MCC: variants seen among roughly 807,000 people sequenced by gnomAD.
MCC encodes the protein colorectal mutant cancer protein.
Under a neutral mutation model 116.2 loss-of-function variants are expected in MCC, and 90 were observed. The ratio of observed to expected loss-of-function variants is 0.77; its 90% CI spans 0.65 to 0.92. The LOEUF is 0.92. MCC is among the 40% of genes least tolerant of loss of function. The probability of loss-of-function intolerance (pLI) is 0.00; values close to 1 mark genes in which losing one functional copy is unlikely to be tolerated. For synonymous variants in MCC, 578 were observed against 510.5 expected (o/e 1.13, Z -1.78); for missense variants, 1,516 against 1,312.2 (o/e 1.16, Z -2.40).
At position 113,024,403 on chromosome 5, in the gene MCC, C is replaced by CTT. The variant is rs1168979350; in HGVS notation, c.*2897_*2898dup. Reference sequence around the variant, plus strand: ...CACTCGCAACTACGGACAGAAGTCTCTTTTGCTTGTGATTTGCACAGTTGG... The same window carrying CTT: ...CACTCGCAACTACGGACAGAAGTCTCTTTTTTGCTTGTGATTTGCACAGTTGG... On this transcript the variant is annotated 3_prime_UTR_variant, in exon 19 of 19. Transcript: ENST00000408903. The CTT allele has an allele frequency of 6.6e-6, 1 of 152,176 alleles. No homozygotes were observed. Among genetic ancestry groups the CTT allele is most frequent in the Non-Finnish European group, 1.5e-5 (1 of 68,050 alleles). 9.4% of individuals were successfully genotyped at this position (152,176 alleles called of 1,614,324 possible). A position where few individuals can be genotyped will look rare whatever the true frequency, so the allele number is the denominator to read the frequency against.
At position 113,022,770 on chromosome 5, in the gene MCC, CTGA is replaced by C. The variant is rs1750236261; in HGVS notation, c.*4529_*4531del. On this transcript the variant is annotated 3_prime_UTR_variant, in exon 19 of 19. Coordinates refer to ENST00000408903, the MANE Select transcript of MCC (RefSeq NM_001085377.2). ...GTATAACTTGCTTTGTTCTGCTGAG[CTGA>C]TATTTCACCTGATTAGCAGATGGAT... 1.3e-5 allele frequency: 2 copies of C among 152,326 alleles called. No individual in the cohort carries two copies. Among genetic ancestry groups the C allele is most frequent in the East Asian group, 3.9e-4 (2 of 5,192 alleles). 9.4% of individuals were successfully genotyped at this position (152,326 alleles called of 1,614,324 possible).
intron 6 of MCC, among the ~76,000 whole-genome samples, chr5:113,107,429 G>A (rs1581075129): frequency 6.6e-6 from 1 of 152,032 alleles, no homozygotes; most frequent in Non-Finnish European, 1.5e-5. Context: ...TGTTGGCCAG[G>A]CTAGTCTCGA....
chr5:113,317,907 G>A (rs572762781), intron 3 of MCC, among the ~76,000 whole-genome samples: 61 of 152,288 alleles, frequency 4.0e-4, no homozygotes, highest in Admixed American at 2.6e-3. Context: ...AATTACAGCC[G>A]TCATAATTAC....
intron 2 of MCC, 64 bp downstream of exon 2, chr5:113,384,903 AT>A: frequency 6.3e-7 from 1 of 1,586,362 alleles, no homozygotes; most frequent in East Asian, 2.2e-5. Context: ...GGCTACTCTC[AT>A]TTAATGAGAG....
chr5:113,463,806 G>C (rs1204918470), intron 1 of MCC, among the ~76,000 whole-genome samples: 1 of 152,162 alleles, frequency 6.6e-6, no homozygotes, highest in Non-Finnish European at 1.5e-5. Context: ...GTAAATAAGA[G>C]ACGAAACGTA....
intron 13 of MCC, among the ~76,000 whole-genome samples, chr5:113,067,466 T>C (rs572555536): frequency 1.3e-5 from 2 of 152,240 alleles, no homozygotes; most frequent in Non-Finnish European, 2.9e-5. Flanking sequence ...ATGGTGAAAC[T>C]GTCTCCACTA....
chr5:113,129,047 G>T (rs913409566), intron 5 of MCC, among the ~76,000 whole-genome samples: 1 of 152,124 alleles, frequency 6.6e-6, no homozygotes, highest in Non-Finnish European at 1.5e-5. Context: ...AGAGACTCTG[G>T]GATGTTTTCT....
chr5:113,196,563 A>G lies in MCC; in HGVS notation c.628-45141T>C, dbSNP rs573102399. Among the ~76,000 whole-genome samples the G allele has an allele frequency of 2.4e-4, 37 of 152,356 alleles. 1 individual carries two copies. Among genetic ancestry groups the G allele is most frequent in the Admixed American group, 1.5e-3 (23 of 15,304 alleles). On this transcript the variant is annotated intron_variant, in intron 3 of 18. Transcript: ENST00000408903. ...CTACTTACCAATGTTAATTTAAAAA[A>G]TACTCGGTCGGGCGCAGTGGCTCAC...
intron 1 of MCC, among the ~76,000 whole-genome samples, chr5:113,455,868 G>A (rs1041148548): frequency 4.6e-5 from 7 of 152,136 alleles, no homozygotes; most frequent in African/African-American, 1.7e-4. Flanking sequence ...CAGAATTGCA[G>A]ATAAAGAAGA....
chr5:113,333,846 T>TATATAC lies in MCC; in HGVS notation c.627+6672_627+6673insGTATAT, dbSNP rs1469058009. Reference sequence around the variant, plus strand: ...ATATATGTATATATGTATATATGTATATATGTACATATATGTATATATGTA... The same window carrying TATATAC: ...ATATATGTATATATGTATATATGTATATATACATATGTACATATATGTATATATGTA... On this transcript the variant is annotated intron_variant, in intron 3 of 18. Transcript: ENST00000408903. Among the ~76,000 whole-genome samples the TATATAC allele has an allele frequency of 9.6e-5, 6 of 62,640 alleles. 1 individual carries two copies. Among genetic ancestry groups the TATATAC allele is most frequent in the South Asian group, 8.9e-4 (2 of 2,250 alleles). 41.1% of individuals were successfully genotyped at this position (62,640 alleles called of 152,430 possible).
rs147869500 is a variant in MCC, at chr5:113,064,047, G to A, written c.2150C>T (p.Ala717Val). 6.2e-7 allele frequency: 1 copy of A among 1,614,080 alleles called. No homozygotes were observed. The highest frequency in any genetic ancestry group is 8.5e-7 in the Non-Finnish European group (1 of 1,180,048). The change falls in exon 14 of 19, where the codon GCC (alanine) becomes GTC (valine). Residue 717 changes from alanine to valine, a missense_variant. Transcript: ENST00000408903. ...CACGCTGCAGCCGGCCACGGCAAAG[G>A]CTCCCCCACAGCTGCCGTCCAGCTT... ...LMKLDGSCGG[A>V]FAVAGCSVQP...
chr5:113,050,723 G>A (rs1012601035), intron 15 of MCC, among the ~76,000 whole-genome samples: 3 of 152,242 alleles, frequency 2.0e-5, no homozygotes, highest in African/African-American at 7.2e-5. Context: ...ATAAGTGCAG[G>A]CTTGAAAGAG....
In MCC at chr5:113,434,835, T is replaced by A; in HGVS notation, c.171-49623A>T. 1 of 1,605,636 alleles carries A rather than the reference T, an allele frequency of 6.2e-7. No homozygotes were observed. Among genetic ancestry groups the A allele is most frequent in the Non-Finnish European group, 8.5e-7 (1 of 1,174,154 alleles). ...TCGTCGCTTGAGGACAGCAGCGTCA[T>A]CCATGGTGCCAGGAATGCCCAGTGC... On this transcript the variant is annotated intron_variant, in intron 1 of 18. Transcript: ENST00000408903. The surrounding 1 kb of genome is among the most constrained non-coding windows in gnomAD (Gnocchi z 4.2).
At position 113,435,667 on chromosome 5, in the gene MCC, T is replaced by TGCC. The variant is rs1428169427; in HGVS notation, c.171-50458_171-50456dup. The TGCC allele has an allele frequency of 2.0e-5, 3 of 152,546 alleles. No individual in the cohort carries two copies. In the East Asian group the frequency reaches 5.8e-4, roughly 29 times the overall value. 9.4% of individuals were successfully genotyped at this position (152,546 alleles called of 1,614,324 possible). On this transcript the variant is annotated intron_variant, in intron 1 of 18. Coordinates refer to ENST00000408903, the MANE Select transcript of MCC (RefSeq NM_001085377.2). ...CACGCAGTTTGAGATGCCTGGATTC[T>TGCC]GCCGCCTCCCTATACATCTCTTCCC...
intron 3 of MCC, among the ~76,000 whole-genome samples, chr5:113,322,720 G>T (rs1465756990): frequency 3.3e-5 from 5 of 152,152 alleles, no homozygotes; most frequent in African/African-American, 1.2e-4. Flanking sequence ...CTATATATTA[G>T]GCACTGGGCT....
intron 1 of MCC, among the ~76,000 whole-genome samples, chr5:113,469,661 T>C (rs1466514378): frequency 6.6e-6 from 1 of 152,182 alleles, no homozygotes; most frequent in Non-Finnish European, 1.5e-5. Flanking sequence ...TATATTCTGT[T>C]GATTTGGGGT....
At chr5:113,125,303 C>G (rs1757979781) in intron 5 of MCC, among the ~76,000 whole-genome samples, 1 of 152,088 alleles carries the variant, frequency 6.6e-6, no homozygotes, top group Non-Finnish European at 1.5e-5. Flanking sequence ...GAAATGCATT[C>G]CAGCTATGGT....
intron 3 of MCC, among the ~76,000 whole-genome samples, chr5:113,248,829 C>CTTTTTTT (rs1462229364): frequency 7.6e-6 from 1 of 131,038 alleles, no homozygotes; most frequent in Non-Finnish European, 1.6e-5. Context: ...TTCTCTCTCT[C>CTTTTTTT]TTCTTTTTTT....
chr5:113,379,485 A>C (rs1769062888), intron 2 of MCC, among the ~76,000 whole-genome samples: 1 of 152,230 alleles, frequency 6.6e-6, no homozygotes, highest in Non-Finnish European at 1.5e-5. Flanking sequence ...TGAGACATAA[A>C]AAACTTAAAG....
Sources: gnomAD v4.1 joint callset for allele counts (sites outside exome capture counted in the v4.1 genomes callset) on GRCh38, gnomAD v4.1.1 for gene constraint, Gnocchi (gnomAD v3.1) non-coding constraint, MANE v1.5 for transcripts, NCBI Gene and HGNC (gene_info 2026-07-23, HGNC 2026-07-21) for gene names.